The following PAM variants were observed in gnomAD, a reference collection of about 807,000 sequenced individuals.
PAM encodes the protein peptidyl-glycine alpha-amidating monooxygenase.
Under a neutral mutation model 122.1 loss-of-function variants are expected in PAM, and 72 were observed. The observed-to-expected ratio is 0.59, with a 90% CI of 0.49 to 0.72. The LOEUF (loss-of-function observed/expected upper bound fraction) is 0.72. PAM is among the 30% of genes least tolerant of loss of function. The pLI is 0.00. For synonymous variants in PAM, 389 were observed against 404.4 expected, an observed-to-expected ratio of 0.96 and a Z score of 0.46; for missense variants, 1,106 against 1,183.7, an observed-to-expected ratio of 0.93 and a Z score of 0.96.
chr5:103,006,436 TCTCAGTAAACATTTATTG>T (rs1367773207), intron 18 of PAM, among the ~76,000 whole-genome samples: 3 of 152,192 alleles, frequency 2.0e-5, no homozygotes, highest in Non-Finnish European at 4.4e-5. Context: ...GAAAACATCA[TCTCAGTAAACATTTATTG>T]CTCATGTATT....
Position 102,974,230 on chromosome 5 carries a change from T to C in PAM, c.1277T>C (p.Ile426Thr), listed in dbSNP as rs1282096394. 1 of 1,613,838 alleles carries C rather than the reference T, an allele frequency of 6.2e-7. No individual in the cohort carries two copies. Among genetic ancestry groups the C allele is most frequent in the African/African-American group, 1.3e-5 (1 of 74,890 alleles). Residue 426 changes from isoleucine to threonine, a missense_variant, in exon 15 of 26, where the codon ATT becomes ACT. Around this residue, in one of 3 missense-constraint regions of PAM, gnomAD observed 670 missense variants for 690.3 expected, o/e 0.97. Transcript: ENST00000438793. The part of the protein sequence containing the change: ...AESESDLVAE[I>T]ANVVQKKDLG... ...TCAGAGTCAGACCTGGTAGCTGAGA[T>C]TGCAAATGTAGTCCAAAAAAAGGAT...
At chr5:102,845,867 T>C (rs571003585) in intron 1 of PAM, among the ~76,000 whole-genome samples, 1 of 152,308 alleles carries the variant, frequency 6.6e-6, no homozygotes, top group Non-Finnish European at 1.5e-5. Context: ...GGAAATGAAG[T>C]GTGAAATTAT....
intron 1 of PAM, among the ~76,000 whole-genome samples, chr5:102,788,432 CTA>C (rs75130136): frequency 0.2 from 30,052 of 151,940 alleles, 3,326 homozygotes; most frequent in South Asian, 0.4. Context: ...CATAATAACT[CTA>C]TTTATTTTTG....
intron 3 of PAM, among the ~76,000 whole-genome samples, chr5:102,900,485 A>G (rs1797494850): frequency 6.6e-6 from 1 of 151,572 alleles, no homozygotes; most frequent in Admixed American, 6.6e-5. Context: ...ACACACAAGT[A>G]GAAACATAGG....
At chr5:102,950,000 T>A in intron 11 of PAM, 22 bp downstream of exon 11, 1 of 1,274,682 alleles carries the variant, frequency 7.8e-7, no homozygotes, top group Non-Finnish European at 1.1e-6. Flanking sequence ...CTAGTTTAAT[T>A]TTGAGAGAAA....
intron 7 of PAM, among the ~76,000 whole-genome samples, chr5:102,928,766 T>C (rs1750472782): frequency 6.6e-6 from 1 of 152,182 alleles, no homozygotes; most frequent in African/African-American, 2.4e-5. Context: ...AAATTTAGTA[T>C]GATGTTTTGG....
intron 1 of PAM, among the ~76,000 whole-genome samples, chr5:102,858,741 A>T (rs1783281650): frequency 6.6e-6 from 1 of 152,230 alleles, no homozygotes. Context: ...AAAAGCATAT[A>T]AATAAGACAA....
In PAM at chr5:102,946,836, G is replaced by A; in HGVS notation, c.527-1G>A. 1 of 1,581,900 alleles carries A rather than the reference G, an allele frequency of 6.3e-7. No homozygotes were observed. The highest frequency in any genetic ancestry group is 8.7e-7 in the Non-Finnish European group (1 of 1,152,046). On this transcript the variant is annotated splice_acceptor_variant, in intron 7 of 25. Coordinates refer to ENST00000438793, the MANE Select transcript of PAM (RefSeq NM_001177306.2). LOFTEE classifies it high-confidence loss of function. Reference sequence around the variant, plus strand: ...ATATGTGTTTCTATGTGTGTTTTCAGATAATAACAAGGACTGTTCTGGTGT... The same window carrying A: ...ATATGTGTTTCTATGTGTGTTTTCAAATAATAACAAGGACTGTTCTGGTGT...
rs193235381 is a variant in PAM at position 102,992,431 on chromosome 5, T to A, written c.1613+2030T>A. Among the ~76,000 whole-genome samples the A allele has an allele frequency of 2.8e-3, 420 of 152,256 alleles. 2 individuals are homozygous for A. Among genetic ancestry groups the A allele is most frequent in the African/African-American group, 9.6e-3 (398 of 41,538 alleles). ...TTGCAATCCATGGTTGTAAAGAAAT[T>A]CTTTTCTGGCACTCAGCTCTCTGAG... On this transcript the variant is annotated intron_variant, in intron 16 of 25. Coordinates refer to ENST00000438793, the MANE Select transcript of PAM (RefSeq NM_001177306.2).
chr5:102,763,461 G>A (rs926536049), intron 1 of PAM, among the ~76,000 whole-genome samples: 1 of 151,976 alleles, frequency 6.6e-6, no homozygotes. Flanking sequence ...GAGTATAGGA[G>A]GAAGACAATC....
chr5:102,784,994 A>G (rs992858603), intron 1 of PAM, among the ~76,000 whole-genome samples: 6 of 152,394 alleles, frequency 3.9e-5, no homozygotes, highest in East Asian at 1.9e-4. Flanking sequence ...ATGCCCGCAT[A>G]TAATTGGTTT....
intron 1 of PAM, among the ~76,000 whole-genome samples, chr5:102,822,547 A>C (rs913705736): frequency 1.4e-4 from 22 of 152,116 alleles, no homozygotes; most frequent in Non-Finnish European, 2.6e-4. Flanking sequence ...TGCCCTAGCC[A>C]GGAATCGATT....
At chr5:102,975,091 G>A (rs753453081) in intron 15 of PAM, among the ~76,000 whole-genome samples, 26 of 152,242 alleles carry the variant, frequency 1.7e-4, no homozygotes, top group Non-Finnish European at 2.8e-4. Flanking sequence ...TCAGGTTTCC[G>A]TACCAGCAAG....
chr5:102,988,871 T>C (rs574271835), intron 15 of PAM, among the ~76,000 whole-genome samples: 2 of 152,324 alleles, frequency 1.3e-5, no homozygotes, highest in East Asian at 1.9e-4. Flanking sequence ...TTTTCTGTAG[T>C]TGACAGAATT....
At chr5:102,897,764 A>G (rs1204424333) in intron 3 of PAM, among the ~76,000 whole-genome samples, 5 of 151,654 alleles carry the variant, frequency 3.3e-5, no homozygotes, top group Non-Finnish European at 7.4e-5. Context: ...TGTACAATAA[A>G]AGGTTATTAT....
At chr5:102,801,564 CA>C (rs1274119649) in intron 1 of PAM, among the ~76,000 whole-genome samples, 2 of 152,064 alleles carry the variant, frequency 1.3e-5, no homozygotes, top group Admixed American at 1.3e-4. Flanking sequence ...AACCCTTGCA[CA>C]AAAAAACCTT....
chr5:103,028,090 C>T (rs944524719), intron 24 of PAM, 95 bp from the exon 25 acceptor site: 38 of 908,780 alleles, frequency 4.2e-5, no homozygotes, highest in Non-Finnish European at 6.9e-5. Context: ...CTTGCTTTAT[C>T]ATTTACCAGT....
chr5:102,771,254 G>T (rs539560057), intron 1 of PAM, among the ~76,000 whole-genome samples: 65 of 152,110 alleles, frequency 4.3e-4, no homozygotes, highest in African/African-American at 1.4e-3. Flanking sequence ...TGGAGTTTAG[G>T]GGTGGTTGGG....
At chr5:103,013,237 GT>G (rs1650304464) in intron 21 of PAM, among the ~76,000 whole-genome samples, 1 of 151,894 alleles carries the variant, frequency 6.6e-6, no homozygotes. Flanking sequence ...GTCCTCTTCA[GT>G]TTTTTTCATC....
Sources: gnomAD v4.1 joint callset for allele counts (sites outside exome capture counted in the v4.1 genomes callset) on GRCh38, gnomAD v4.1.1 for gene constraint, gnomAD v4.1.1 regional missense constraint, MANE v1.5 for transcripts, NCBI Gene and HGNC (gene_info 2026-07-23, HGNC 2026-07-21) for gene names.